The following FSTL4 variants were observed in gnomAD, a reference collection of about 807,000 sequenced individuals.
FSTL4 encodes follistatin-related protein 4.
A neutral mutation model predicts 78.2 loss-of-function variants in FSTL4; 28 were observed. The observed-to-expected ratio is 0.36, with a 90% CI of 0.27 to 0.49. The LOEUF (loss-of-function observed/expected upper bound fraction) is 0.49. Ranked by LOEUF, FSTL4 falls within the 20% of genes least tolerant of loss-of-function variation. The pLI is 0.98. For missense variants in FSTL4, 922 were observed against 1,084.9 expected, an observed-to-expected ratio of 0.85 and a Z score of 2.11; for synonymous variants, 422 against 440.5, an observed-to-expected ratio of 0.96 and a Z score of 0.53.
At chr5:133,365,849 A>C (rs1467203186) in intron 4 of FSTL4, among the ~76,000 whole-genome samples, 1 of 152,228 alleles carries the variant, frequency 6.6e-6, no homozygotes, top group Non-Finnish European at 1.5e-5. Flanking sequence ...GACCAGGGCC[A>C]CGGGTATTAA....
intron 3 of FSTL4, among the ~76,000 whole-genome samples, chr5:133,453,485 T>C (rs2127012451): frequency 6.6e-6 from 1 of 152,332 alleles, no homozygotes; most frequent in African/African-American, 2.4e-5. Context: ...CTATGCTGTC[T>C]TATCTTGGGC....
chr5:133,731,129 G>A, the FSTL4 span, among the ~76,000 whole-genome samples: 7 of 152,052 alleles, frequency 4.6e-5, no homozygotes, highest in Non-Finnish European at 2.9e-5. Flanking sequence ...CACGATTTAG[G>A]GTGGGCACTT....
In FSTL4 at chr5:133,527,472, TACACAC is replaced by T. The variant is rs3065527; in HGVS notation, c.160+39708_160+39713del. 4.9e-3 allele frequency among the ~76,000 whole-genome samples: 441 copies of T among 90,650 alleles called. 1 individual carries two copies. The highest frequency in any genetic ancestry group is 0.015 in the African/African-American group (415 of 28,220). 59.5% of individuals were successfully genotyped at this position (90,650 alleles called of 152,430 possible). ...TCTTTTGCTCTGAGATGTGCACGTG[TACACAC>T]ACACACACACACACACACACACACC... On this transcript the variant is annotated intron_variant, in intron 3 of 15. Transcript: ENST00000265342.
chr5:133,341,126 G>A (rs948171376), intron 4 of FSTL4, among the ~76,000 whole-genome samples: 5 of 152,094 alleles, frequency 3.3e-5, no homozygotes, highest in East Asian at 3.9e-4. Context: ...TTCCTTAGAC[G>A]ACTTGTGCAG....
the FSTL4 span, among the ~76,000 whole-genome samples, chr5:133,625,094 T>G: frequency 6.6e-6 from 1 of 151,802 alleles, no homozygotes; most frequent in Non-Finnish European, 1.5e-5. Context: ...TTTTTTGTAG[T>G]GTTTTTGTCT....
chr5:133,638,946 G>A, the FSTL4 span, among the ~76,000 whole-genome samples: 1 of 151,232 alleles, frequency 6.6e-6, no homozygotes, highest in African/African-American at 2.4e-5. Context: ...TTTAAAGTGT[G>A]CTTTATTGGA....
At chr5:133,260,505 C>T (rs1459396028) in intron 6 of FSTL4, among the ~76,000 whole-genome samples, 2 of 152,300 alleles carry the variant, frequency 1.3e-5, no homozygotes, top group African/African-American at 2.4e-5. Context: ...CTGTGCCAGC[C>T]GTCAGCTCTG....
intron 3 of FSTL4, among the ~76,000 whole-genome samples, chr5:133,456,824 G>C (rs538239790): frequency 5.9e-5 from 9 of 152,218 alleles, no homozygotes; most frequent in Admixed American, 4.6e-4. Context: ...TGACATGAAT[G>C]GTTCTGAGTT....
At chr5:133,363,175 GA>G (rs201512796) in intron 4 of FSTL4, among the ~76,000 whole-genome samples, 3 of 151,786 alleles carry the variant, frequency 2.0e-5, no homozygotes, top group Non-Finnish European at 4.4e-5. Flanking sequence ...ACTTCACAGA[GA>G]AAAAAAACAT....
At chr5:133,299,430 C>G (rs1446636245) in intron 6 of FSTL4, among the ~76,000 whole-genome samples, 1 of 152,194 alleles carries the variant, frequency 6.6e-6, no homozygotes, top group Non-Finnish European at 1.5e-5. Flanking sequence ...CTCTGCTTCC[C>G]CTTCACATGG....
At chr5:133,818,951 ACACACACACACGTACGCATG>A in the FSTL4 span, among the ~76,000 whole-genome samples, 62 of 134,606 alleles carry the variant, frequency 4.6e-4, no homozygotes, top group African/African-American at 1.7e-3. Context: ...ATATATGTAC[ACACACACACACGTACGCATG>A]CACACACACA....
the FSTL4 span, among the ~76,000 whole-genome samples, chr5:133,643,682 A>G: frequency 6.6e-5 from 10 of 152,284 alleles, no homozygotes; most frequent in African/African-American, 2.2e-4. Context: ...AATAAACACA[A>G]GAACTATGTC....
At chr5:133,609,772 G>A (rs571643149) in intron 1 of FSTL4, among the ~76,000 whole-genome samples, 2 of 152,290 alleles carry the variant, frequency 1.3e-5, no homozygotes, top group African/African-American at 4.8e-5. Flanking sequence ...ACACACATGT[G>A]ACTTCCAATA....
At chr5:133,226,005 A>G (rs941807921) in intron 8 of FSTL4, 186 bp from the exon 9 acceptor site, 17 of 430,534 alleles carry the variant, frequency 3.9e-5, no homozygotes, top group Non-Finnish European at 6.5e-5. Flanking sequence ...TATAAAATAG[A>G]TTGCAGATAA....
At chr5:133,630,785 A>G in the FSTL4 span, among the ~76,000 whole-genome samples, 3 of 152,216 alleles carry the variant, frequency 2.0e-5, no homozygotes, top group Non-Finnish European at 2.9e-5. Flanking sequence ...ACTGGTACCA[A>G]AACTGATATC....
At chr5:133,562,203 C>T (rs1487390922) in intron 3 of FSTL4, among the ~76,000 whole-genome samples, 1 of 152,150 alleles carries the variant, frequency 6.6e-6, no homozygotes, top group African/African-American at 2.4e-5. Context: ...AAGAAGTTAC[C>T]CCAAAATAAC....
intron 6 of FSTL4, among the ~76,000 whole-genome samples, chr5:133,291,010 C>T (rs566228212): frequency 7.9e-5 from 12 of 152,366 alleles, no homozygotes; most frequent in East Asian, 1.9e-4. Context: ...CCTCCGTCTC[C>T]GACTCCCCAC....
chr5:133,558,873 G>T (rs1759855045), intron 3 of FSTL4, among the ~76,000 whole-genome samples: 1 of 152,162 alleles, frequency 6.6e-6, no homozygotes, highest in Non-Finnish European at 1.5e-5. Flanking sequence ...CAAATGCAGA[G>T]TGAGTGAGGC....
intron 3 of FSTL4, among the ~76,000 whole-genome samples, chr5:133,527,496 CACA>C (rs772126533): frequency 0.32 from 48,765 of 150,520 alleles, 8,304 homozygotes; most frequent in Admixed American, 0.44. Flanking sequence ...CACACACACA[CACA>C]CACCCATAAG....
Sources: gnomAD v4.1 joint callset for allele counts (sites outside exome capture counted in the v4.1 genomes callset) on GRCh38, gnomAD v4.1.1 for gene constraint, MANE v1.5 for transcripts, NCBI Gene and HGNC (gene_info 2026-07-23, HGNC 2026-07-21) for gene names.